XKR6: variants seen among roughly 807,000 people sequenced by gnomAD.
XKR6 encodes the protein XK related 6, also known as XK-related protein 6.
Under a neutral mutation model 56.7 loss-of-function variants are expected in XKR6, and 22 were observed. The ratio of observed to expected loss-of-function variants is 0.39; its 90% CI spans 0.28 to 0.55. The LOEUF (loss-of-function observed/expected upper bound fraction) is 0.55, where lower values mean the gene tolerates loss of function less well. XKR6 is among the 20% of genes least tolerant of loss of function. XKR6 has a pLI of 0.66. For synonymous variants in XKR6, 524 were observed against 387.8 expected (o/e 1.35, Z -4.13); for missense variants, 852 against 889.0 (o/e 0.96, Z 0.53).
intron 1 of XKR6, among the ~76,000 whole-genome samples, chr8:10,989,154 G>T (rs543285969): frequency 6.6e-6 from 1 of 152,310 alleles, no homozygotes; most frequent in East Asian, 1.9e-4. Context: ...CAAGGAGCTG[G>T]GTGATGCCTC....
At chr8:11,041,427 G>A (rs113804176) in intron 1 of XKR6, among the ~76,000 whole-genome samples, 3 of 151,924 alleles carry the variant, frequency 2.0e-5, no homozygotes, top group Non-Finnish European at 4.4e-5. Flanking sequence ...GTGGTGGTGC[G>A]TGCTTGTAAT....
At chr8:11,162,104 A>G (rs1801842520) in intron 1 of XKR6, among the ~76,000 whole-genome samples, 2 of 152,256 alleles carry the variant, frequency 1.3e-5, no homozygotes, top group Admixed American at 1.3e-4. Context: ...ACCAAGATAG[A>G]AAGCTTTTTA....
chr8:11,094,980 G>A (rs949698039), intron 1 of XKR6, among the ~76,000 whole-genome samples: 1 of 152,114 alleles, frequency 6.6e-6, no homozygotes, highest in Non-Finnish European at 1.5e-5. Flanking sequence ...AAACCACCAC[G>A]GCACATGCTA....
Position 10,898,873 on chromosome 8 carries a change from T to C in XKR6, c.1005A>G (p.Leu335=). The C allele has an allele frequency of 6.2e-7, 1 of 1,613,348 alleles. No individual in the cohort carries two copies. The highest frequency in any genetic ancestry group is 8.5e-7 in the Non-Finnish European group (1 of 1,179,568). The stretch of plus-strand genomic sequence containing the variant: ...CCCGCAGCAGCTTGTGATAGGAGGC[T>C]AGCACCCAAGCCAGGGACATCAGGG... ...VTSLMSLAWV[L]ASYHKLLRDS... Residue 335 remains leucine (L), a synonymous_variant, in exon 3 of 3, where the codon CTA becomes CTG. Coordinates refer to ENST00000416569, the MANE Select transcript of XKR6 (RefSeq NM_173683.4). This position sits in a 1 kb window ranked among gnomAD's most constrained non-coding sequence, Gnocchi z 6.6.
chr8:10,946,353 G>A (rs1460806815), intron 1 of XKR6, among the ~76,000 whole-genome samples: 3 of 152,120 alleles, frequency 2.0e-5, no homozygotes, highest in Non-Finnish European at 4.4e-5. Context: ...TAATGGACAC[G>A]TGCACTTGAG....
chr8:11,188,328 T>C (rs1398645720), intron 1 of XKR6, among the ~76,000 whole-genome samples: 2 of 152,174 alleles, frequency 1.3e-5, no homozygotes, highest in African/African-American at 2.4e-5. Flanking sequence ...TCCTATCAAA[T>C]AGTGGACGCC....
At chr8:11,014,390 G>A (rs1265722980) in intron 1 of XKR6, among the ~76,000 whole-genome samples, 1 of 152,184 alleles carries the variant, frequency 6.6e-6, no homozygotes, top group Non-Finnish European at 1.5e-5. Flanking sequence ...ATTAACCTGT[G>A]CTGGCCTGTG....
intron 1 of XKR6, among the ~76,000 whole-genome samples, chr8:11,193,738 A>ACC (rs5889361): frequency 0.01 from 1,090 of 107,250 alleles, 17 homozygotes; most frequent in Middle Eastern, 0.014. Context: ...TAAGGTTCTG[A>ACC]CCCCCCCCCC....
intron 1 of XKR6, among the ~76,000 whole-genome samples, chr8:10,988,628 C>G (rs1196762776): frequency 6.6e-6 from 1 of 152,194 alleles, no homozygotes. Context: ...CTACTGCTGA[C>G]AAGGGCACAC....
At chr8:11,073,324 G>T (rs180842256) in intron 1 of XKR6, among the ~76,000 whole-genome samples, 1 of 152,112 alleles carries the variant, frequency 6.6e-6, no homozygotes, top group African/African-American at 2.4e-5. Flanking sequence ...TCACCTATGT[G>T]CTAGGAACTA....
At chr8:10,912,460 TATATATAGAG>T (rs1563284585) in intron 2 of XKR6, among the ~76,000 whole-genome samples, 1 of 120,546 alleles carries the variant, frequency 8.3e-6, no homozygotes, top group African/African-American at 3.8e-5. Flanking sequence ...TATATATATA[TATATATAGAG>T]AGAGAGAGAG....
intron 1 of XKR6, among the ~76,000 whole-genome samples, chr8:11,127,591 G>C (rs943735355): frequency 6.6e-6 from 1 of 152,108 alleles, no homozygotes; most frequent in African/African-American, 2.4e-5. Flanking sequence ...TGCCTTCAAA[G>C]CTAGTGGTGT....
chr8:10,898,286 G>T lies in XKR6; in HGVS notation c.1592C>A (p.Pro531His). 6.2e-7 allele frequency: 1 copy of T among 1,614,140 alleles called. No homozygotes were observed. Among genetic ancestry groups the T allele is most frequent in the South Asian group, 1.1e-5 (1 of 91,078 alleles). The stretch of plus-strand genomic sequence containing the variant: ...GGTCCCCCGGTACCCAGGGATCTCA[G>T]GCGCCATGGGCTCAACATCGGGGGG... ...PLPPDVEPMA[P>H]EIPGYRGTQV... The change falls in exon 3 of 3, where the codon CCT (proline) becomes CAT (histidine). Residue 531 changes from proline to histidine, a missense_variant. This residue lies in a region of XKR6 where 197 missense variants were observed against 190.9 expected (regional missense o/e 1.03). Transcript: ENST00000416569. This position sits in a 1 kb window ranked among gnomAD's most constrained non-coding sequence, Gnocchi z 6.6.
intron 1 of XKR6, among the ~76,000 whole-genome samples, chr8:11,127,668 T>C (rs911548923): frequency 2.6e-5 from 4 of 152,202 alleles, no homozygotes; most frequent in African/African-American, 9.7e-5. Flanking sequence ...AGGCCCCTTG[T>C]GGCTACATCA....
chr8:11,121,554 TG>T (rs1442539346), intron 1 of XKR6, among the ~76,000 whole-genome samples: 1 of 152,198 alleles, frequency 6.6e-6, no homozygotes. Context: ...GGAGAGGATG[TG>T]GAGAAACAGG....
At chr8:11,119,869 G>C (rs1470677487) in intron 1 of XKR6, among the ~76,000 whole-genome samples, 1 of 152,188 alleles carries the variant, frequency 6.6e-6, no homozygotes, top group Non-Finnish European at 1.5e-5. Context: ...CTGGATGCAA[G>C]GCTGGTTCAA....
intron 1 of XKR6, among the ~76,000 whole-genome samples, chr8:11,185,261 T>A (rs182986920): frequency 2.6e-5 from 4 of 152,208 alleles, no homozygotes; most frequent in Admixed American, 6.5e-5. Context: ...TAATCTTTCT[T>A]AAATATAGGT....
At chr8:10,917,462 T>G (rs925599172) in intron 2 of XKR6, among the ~76,000 whole-genome samples, 3 of 152,208 alleles carry the variant, frequency 2.0e-5, no homozygotes, top group Non-Finnish European at 2.9e-5. Flanking sequence ...GAGAATTCCT[T>G]GCTCTAGGAA....
intron 1 of XKR6, among the ~76,000 whole-genome samples, chr8:11,026,499 T>C (rs1333325710): frequency 2.0e-5 from 3 of 149,192 alleles, no homozygotes. Context: ...CTAGATGGTC[T>C]AGCCTACTAC....
Sources: gnomAD v4.1 joint callset for allele counts (sites outside exome capture counted in the v4.1 genomes callset) on GRCh38, gnomAD v4.1.1 for gene constraint, gnomAD v4.1.1 regional missense constraint, Gnocchi (gnomAD v3.1) non-coding constraint, MANE v1.5 for transcripts, NCBI Gene and HGNC (gene_info 2026-07-23, HGNC 2026-07-21) for gene names.